PRDM7: variants seen among roughly 807,000 people sequenced by gnomAD.
PRDM7 encodes PR/SET domain 7, also known as histone-lysine N-methyltransferase PRDM7.
In PRDM7, 52 loss-of-function variants were observed where a neutral mutation model predicts 64.3. The observed-to-expected ratio is 0.81, with a 90% CI of 0.65 to 1.02. The LOEUF is 1.02. PRDM7 is among the 50% of genes least tolerant of loss of function. The pLI is 0.00. For missense variants in PRDM7, 574 were observed against 597.1 expected, an observed-to-expected ratio of 0.96 and a Z score of 0.40; for synonymous variants, 192 against 210.1, an observed-to-expected ratio of 0.91 and a Z score of 0.74.
At chr16:90,071,570 CAGAG>C (rs1300511950) in intron 4 of PRDM7, among the ~76,000 whole-genome samples, 3 of 151,194 alleles carry the variant, frequency 2.0e-5, no homozygotes, top group Non-Finnish European at 4.4e-5. Context: ...GCATGTGAGA[CAGAG>C]AGAAAGACAG....
intron 9 of PRDM7, among the ~76,000 whole-genome samples, 155 bp from the exon 10 acceptor site, chr16:90,060,778 C>G (rs917694631): frequency 1.3e-5 from 2 of 152,196 alleles, no homozygotes; most frequent in Non-Finnish European, 2.9e-5. Flanking sequence ...CCTTGATTGG[C>G]CATAAAACAC....
Position 90,058,109 on chromosome 16 carries a change from C to A in PRDM7, c.*180G>T, listed in dbSNP as rs551884586. On this transcript the variant is annotated 3_prime_UTR_variant, in exon 11 of 11. Coordinates refer to ENST00000449207, the MANE Select transcript of PRDM7 (RefSeq NM_001098173.2). ...CCTTGCCCACACTCTCCATATTTGA[C>A]TTTCGCAATTCTTGAGATTCCTACC... The A allele has an allele frequency of 6.2e-6, 10 of 1,614,130 alleles. No individual in the cohort carries two copies. In the African/African-American group the frequency reaches 1.1e-4, roughly 17 times the overall value.
rs2037711527 is a variant in PRDM7, at chr16:90,058,193, C to A, written c.*96G>T. On this transcript the variant is annotated 3_prime_UTR_variant, in exon 11 of 11. Coordinates refer to ENST00000449207, the MANE Select transcript of PRDM7 (RefSeq NM_001098173.2). ...ACTTTCTGGCCTGTTCTGGACTCTTCTTCCATCATTCTTTCTCCCACTCTA... is the reference window on the plus strand; with the variant it reads ...ACTTTCTGGCCTGTTCTGGACTCTTATTCCATCATTCTTTCTCCCACTCTA... The A allele has an allele frequency of 1.2e-6, 2 of 1,614,102 alleles. No individual in the cohort carries two copies. Among genetic ancestry groups the A allele is most frequent in the Admixed American group, 1.7e-5 (1 of 60,008 alleles).
Position 90,057,415 on chromosome 16 carries a change from G to C in PRDM7, c.*874C>G, listed in dbSNP as rs1359800358. The C allele has an allele frequency of 6.3e-6, 1 of 158,558 alleles. No homozygotes were observed. Among genetic ancestry groups the C allele is most frequent in the African/African-American group, 2.4e-5 (1 of 41,434 alleles). 9.8% of individuals were successfully genotyped at this position (158,558 alleles called of 1,614,324 possible). On this transcript the variant is annotated 3_prime_UTR_variant, in exon 11 of 11. Coordinates refer to ENST00000449207, the MANE Select transcript of PRDM7 (RefSeq NM_001098173.2). The stretch of plus-strand genomic sequence containing the variant: ...ATGGACTCCAAGTTTATGTCTTTCT[G>C]GGGTTGAATTCCTGTGGAGACTTGA...
At position 90,075,519 on chromosome 16, in the gene PRDM7, C is replaced by A; in HGVS notation, c.70-45G>T. The stretch of plus-strand genomic sequence containing the variant: ...CCATCAGTGATTTACTAATACACAT[C>A]GAGCTGGTCCTTTTCCTCTACCCTG... On this transcript the variant is annotated intron_variant, in intron 2 of 10. Coordinates refer to ENST00000449207, the MANE Select transcript of PRDM7 (RefSeq NM_001098173.2). The surrounding 1 kb of genome is among the most constrained non-coding windows in gnomAD (Gnocchi z 4.3). The A allele has an allele frequency of 6.2e-7, 1 of 1,614,058 alleles. No homozygotes were observed. Among genetic ancestry groups the A allele is most frequent in the Non-Finnish European group, 8.5e-7 (1 of 1,179,990 alleles).
chr16:90,058,345 C>G lies in PRDM7; in HGVS notation c.1423G>C (p.Ala475Pro). 6.2e-7 allele frequency: 1 copy of G among 1,614,166 alleles called. No homozygotes were observed. ...ACCTTTGGTTTTGTCATTACAGCAG[C>G]GTGGATCAGAATATTGCCGCTCCTG... is the stretch of plus-strand genomic sequence containing the variant. ...RIRSGNILIH[A>P]AVMTKPKVKR... Residue 475 changes from alanine (A) to proline (P), a missense_variant, in exon 11 of 11, where the codon GCT (alanine) becomes CCT (proline). Physicochemically the swap from Ala to Pro is conservative, Grantham distance 27. Transcript: ENST00000449207.
At chr16:90,068,980 A>G (rs2037919036) in intron 4 of PRDM7, among the ~76,000 whole-genome samples, 1 of 151,346 alleles carries the variant, frequency 6.6e-6, no homozygotes. Flanking sequence ...CAAAATGCCA[A>G]TGCTATTATT....
chr16:90,075,601 C>T lies in PRDM7; in HGVS notation c.70-127G>A, dbSNP rs545209367. The T allele has an allele frequency of 1.1e-5, 16 of 1,502,350 alleles. No homozygotes were observed. The highest frequency in any genetic ancestry group is 8.3e-5 in the African/African-American group (6 of 72,416). 93.1% of individuals were successfully genotyped at this position (1,502,350 alleles called of 1,614,324 possible). ...TCTCTGTGAAACATAAAGACCTTCC[C>T]TCCTTCTCCAGATTGTGTCCTGTTT... is the stretch of plus-strand genomic sequence containing the variant. On this transcript the variant is annotated intron_variant, in intron 2 of 10. Transcript: ENST00000449207. The surrounding 1 kb of genome is among the most constrained non-coding windows in gnomAD (Gnocchi z 4.3).
chr16:90,061,881 G>T, intron 8 of PRDM7, 40 bp downstream of exon 8: 4 of 1,613,572 alleles, frequency 2.5e-6, no homozygotes, highest in Non-Finnish European at 3.4e-6. Flanking sequence ...CAGAAGGGAT[G>T]TGGGAAGACA....
rs2037706445 is a variant in PRDM7 at position 90,057,789 on chromosome 16, C to G, written c.*500G>C. On this transcript the variant is annotated 3_prime_UTR_variant, in exon 11 of 11. Coordinates refer to ENST00000449207, the MANE Select transcript of PRDM7 (RefSeq NM_001098173.2). ...CTGGGGTGTGCAAGTGTGTGGTGATCACGTTTGTCTTCTTGTGGCTATTGA... is the reference window on the plus strand; with the variant it reads ...CTGGGGTGTGCAAGTGTGTGGTGATGACGTTTGTCTTCTTGTGGCTATTGA... 2.2e-6 allele frequency: 3 copies of G among 1,353,870 alleles called. No homozygotes were observed. In the African/African-American group the frequency reaches 4.4e-5, roughly 20 times the overall value. 83.9% of individuals were successfully genotyped at this position (1,353,870 alleles called of 1,614,324 possible).
At chr16:90,060,173 C>A (rs2037747865) in intron 10 of PRDM7, among the ~76,000 whole-genome samples, 168 bp downstream of exon 10, 2 of 152,106 alleles carry the variant, frequency 1.3e-5, no homozygotes, top group African/African-American at 4.8e-5. Context: ...AAAAACTGTT[C>A]CAAAGAGGCA....
At chr16:90,071,245 C>G (rs1331696909) in intron 4 of PRDM7, among the ~76,000 whole-genome samples, 1 of 152,180 alleles carries the variant, frequency 6.6e-6, no homozygotes, top group South Asian at 2.1e-4. Context: ...GATTCTTCTA[C>G]CTCAACCTCC....
chr16:90,068,764 A>G (rs1430270511), intron 4 of PRDM7, among the ~76,000 whole-genome samples: 1 of 151,342 alleles, frequency 6.6e-6, no homozygotes, highest in Non-Finnish European at 1.5e-5. Context: ...CCCAATCACA[A>G]TAGCATCAAA....
In PRDM7 at chr16:90,057,723, A is replaced by G; in HGVS notation, c.*566T>C. 1 of 1,236,680 alleles carries G rather than the reference A, an allele frequency of 8.1e-7. No individual in the cohort carries two copies. Among genetic ancestry groups the G allele is most frequent in the Non-Finnish European group, 1.0e-6 (1 of 962,062 alleles). The allele number at this position is 1,236,680 out of a possible 1,614,324, so 76.6% of individuals were successfully genotyped here. The stretch of plus-strand genomic sequence containing the variant: ...TCCGATCTCTTTACACTCTCGGGGA[A>G]TGTAAGGGGTTAGCAGACTTTCGCT... On this transcript the variant is annotated 3_prime_UTR_variant, in exon 11 of 11. Coordinates refer to ENST00000449207, the MANE Select transcript of PRDM7 (RefSeq NM_001098173.2).
At chr16:90,070,374 CTTGAGGCCAGGAGT>C (rs1461706424) in intron 4 of PRDM7, among the ~76,000 whole-genome samples, 2 of 150,982 alleles carry the variant, frequency 1.3e-5, no homozygotes, top group Admixed American at 1.3e-4. Context: ...GGGCAGATCA[CTTGAGGCCAGGAGT>C]TTGAGACCAG....
chr16:90,058,643 C>A, intron 10 of PRDM7, 109 bp from the exon 11 acceptor site: 2 of 1,327,350 alleles, frequency 1.5e-6, no homozygotes, highest in Non-Finnish European at 2.2e-6. Context: ...GTTAACAATG[C>A]AAGCTCTCTC....
intron 4 of PRDM7, chr16:90,070,062 AAAAAC>A (rs1177656145): frequency 6.5e-6 from 1 of 154,750 alleles, no homozygotes; most frequent in Non-Finnish European, 1.4e-5. Context: ...TCTGAAAAAA[AAAAAC>A]AAAAAACAAA....
chr16:90,066,830 T>G lies in PRDM7; in HGVS notation c.351+31A>C, dbSNP rs768165564. On this transcript the variant is annotated intron_variant, in intron 5 of 10. Transcript: ENST00000449207. ...CTGTATTTGGATCTATGAGGAAGGT[T>G]TCTTGTCAACAGGATTTGGGAGATA... The G allele has an allele frequency of 7.1e-6, 11 of 1,538,894 alleles. 1 individual carries two copies. Among genetic ancestry groups the G allele is most frequent in the Non-Finnish European group, 9.9e-6 (11 of 1,115,598 alleles).
intron 4 of PRDM7, among the ~76,000 whole-genome samples, chr16:90,071,543 G>A (rs1466153191): frequency 6.6e-6 from 1 of 152,192 alleles, no homozygotes; most frequent in African/African-American, 2.4e-5. Flanking sequence ...ATCATGACAT[G>A]GTAGAAGGGT....
Sources: gnomAD v4.1 joint callset for allele counts (sites outside exome capture counted in the v4.1 genomes callset) on GRCh38, gnomAD v4.1.1 for gene constraint, Gnocchi (gnomAD v3.1) non-coding constraint, MANE v1.5 for transcripts, NCBI Gene and HGNC (gene_info 2026-07-23, HGNC 2026-07-21) for gene names.